The following CENPM variants were observed in gnomAD, a reference collection of about 807,000 sequenced individuals.
The protein encoded by CENPM is interphase centromere complex protein 39.
CENPM carries 14 observed loss-of-function variants against 19.6 expected under a neutral mutation model. The observed-to-expected ratio is 0.71, with a 90% CI of 0.47 to 1.11. CENPM has a LOEUF of 1.11. Among genes scored for constraint, CENPM ranks in the 50% most tolerant of loss-of-function variants. CENPM has a pLI of 0.00. For missense variants in CENPM, 239 were observed against 228.4 expected (o/e 1.05, Z -0.30); for synonymous variants, 114 against 101.5 (o/e 1.12, Z -0.74).
chr22:41,944,971 G>C (rs1602392452), intron 4 of CENPM: 6 of 1,342,228 alleles, frequency 4.5e-6, no homozygotes, highest in Non-Finnish European at 5.8e-6. Context: ...TACATGTGCA[G>C]ATTTGTTATG....
chr22:41,940,193 T>C (rs545177561), intron 5 of CENPM: 2 of 763,508 alleles, frequency 2.6e-6, no homozygotes, highest in Admixed American at 1.8e-5. Flanking sequence ...TGTTCCTCCT[T>C]CCACGAGGTA....
chr22:41,938,118 A>G (rs896991907), downstream of CENPM, among the ~76,000 whole-genome samples: 1 of 142,990 alleles, frequency 7.0e-6, no homozygotes, highest in Admixed American at 7.2e-5. Flanking sequence ...CTGGAATTAT[A>G]GGTGGGAACC....
At chr22:41,935,270 A>T (rs1341977026), downstream of CENPM, among the ~76,000 whole-genome samples, 1 of 152,050 alleles carries the variant, frequency 6.6e-6, no homozygotes, top group East Asian at 1.9e-4. Flanking sequence ...GAGGTGCCCC[A>T]TGCGGGCATG....
chr22:41,941,416 GC>G (rs1291849730), intron 5 of CENPM, among the ~76,000 whole-genome samples: 1 of 152,192 alleles, frequency 6.6e-6, no homozygotes, highest in African/African-American at 2.4e-5. Context: ...CCTGCTTCCT[GC>G]CCAGGCCAAG....
chr22:41,939,322 GC>G, intron 5 of CENPM, 126 bp from the exon 6 acceptor site: 1 of 1,099,380 alleles, frequency 9.1e-7, no homozygotes, highest in Non-Finnish European at 1.3e-6. Context: ...GGTCACCACT[GC>G]CCACCACAGC....
intron 1 of CENPM, 125 bp from the exon 2 acceptor site, chr22:41,946,621 C>T: frequency 1.3e-6 from 1 of 775,180 alleles, no homozygotes; most frequent in Non-Finnish European, 2.1e-6. Context: ...AGGACATTTC[C>T]CGAGAAGTGG....
chr22:41,931,602 T>C, the CENPM span, among the ~76,000 whole-genome samples: 2 of 152,148 alleles, frequency 1.3e-5, no homozygotes, highest in Non-Finnish European at 2.9e-5. Flanking sequence ...CTGATGCAGG[T>C]ACTATTAGGA....
rs188468444 is a variant in CENPM, at chr22:41,945,440, T to G, written c.231-136A>C. The G allele has an allele frequency of 2.0e-3, 2,900 of 1,417,322 alleles. 13 individuals carry two copies. The highest frequency in any genetic ancestry group is 1.4e-3 in the Non-Finnish European group (1,503 of 1,075,544). 87.8% of individuals were successfully genotyped at this position (1,417,322 alleles called of 1,614,324 possible). Reference sequence around the variant, plus strand: ...GTGACTTTCTCTGGAGAAATATTTGTCCTTTAATTTTTTTTTTTTTTTTTT... The same window carrying G: ...GTGACTTTCTCTGGAGAAATATTTGGCCTTTAATTTTTTTTTTTTTTTTTT... On this transcript the variant is annotated intron_variant, in intron 3 of 5. Coordinates refer to ENST00000215980, the MANE Select transcript of CENPM (RefSeq NM_024053.5).
At chr22:41,945,038 A>C in intron 4 of CENPM, 187 bp downstream of exon 4, 2 of 1,403,866 alleles carry the variant, frequency 1.4e-6, no homozygotes, top group Non-Finnish European at 9.4e-7. Context: ...CCAGGTATTA[A>C]GCCTAGTACC....
At position 41,945,234 on chromosome 22, in the gene CENPM, C is replaced by G. The variant is rs144460487; in HGVS notation, c.301G>C (p.Ala101Pro). Residue 101 changes from alanine to proline, a missense_variant, in exon 4 of 6, where the codon GCC becomes CCC. Transcript: ENST00000215980. ...CGAGGAACGTACTTACCACCTGTGG[C>G]GAGGAAACACACCTTCCCCAAGAAG... Reference protein sequence around the residue: ...SFFLGKVCFLATGAGRESHCS... With the variant: ...SFFLGKVCFLPTGAGRESHCS... 6.2e-7 allele frequency: 1 copy of G among 1,613,906 alleles called. No individual in the cohort carries two copies. The highest frequency in any genetic ancestry group is 8.5e-7 in the Non-Finnish European group (1 of 1,179,988).
At chr22:41,941,887 G>C (rs910293201) in intron 5 of CENPM, among the ~76,000 whole-genome samples, 2 of 152,232 alleles carry the variant, frequency 1.3e-5, no homozygotes, top group South Asian at 2.1e-4. Flanking sequence ...TGCCACATGA[G>C]ACAGTGATGA....
At chr22:41,930,422 G>A in the CENPM span, among the ~76,000 whole-genome samples, 1 of 151,978 alleles carries the variant, frequency 6.6e-6, no homozygotes, top group African/African-American at 2.4e-5. Flanking sequence ...TAGTAGAAAT[G>A]GGGTTTCACC....
At chr22:41,930,100 T>C in the CENPM span, among the ~76,000 whole-genome samples, 21 of 151,134 alleles carry the variant, frequency 1.4e-4, no homozygotes, top group East Asian at 5.8e-4. Flanking sequence ...CCCGCCACCA[T>C]GCCCGGCAAA....
chr22:41,944,066 G>A, intron 4 of CENPM: 1 of 981,606 alleles, frequency 1.0e-6, no homozygotes, highest in South Asian at 4.7e-5. Flanking sequence ...ATGCCGGAGT[G>A]ACACTGGGGC....
chr22:41,928,729 G>C, the CENPM span, among the ~76,000 whole-genome samples: 1 of 152,124 alleles, frequency 6.6e-6, no homozygotes, highest in African/African-American at 2.4e-5. This position sits in a 1 kb window ranked among gnomAD's most constrained non-coding sequence, Gnocchi z 4.0. Context: ...CCGGGCTGCG[G>C]ATGGGCAGGG....
chr22:41,939,320 C>A, intron 5 of CENPM, 124 bp from the exon 6 acceptor site: 1 of 1,150,900 alleles, frequency 8.7e-7, no homozygotes, highest in South Asian at 1.6e-5. Flanking sequence ...CAGGTCACCA[C>A]TGCCCACCAC....
chr22:41,941,475 G>A (rs1323374406), intron 5 of CENPM, among the ~76,000 whole-genome samples: 2 of 152,180 alleles, frequency 1.3e-5, no homozygotes, highest in South Asian at 2.1e-4. Flanking sequence ...GCCACAGACA[G>A]AATTACACCA....
intron 5 of CENPM, among the ~76,000 whole-genome samples, chr22:41,941,155 T>A (rs1405334881): frequency 6.6e-6 from 1 of 152,228 alleles, no homozygotes; most frequent in Non-Finnish European, 1.5e-5. Flanking sequence ...ATTATTTCAC[T>A]GGGCCAATCA....
intron 5 of CENPM, among the ~76,000 whole-genome samples, chr22:41,942,626 C>T (rs1186549805): frequency 6.6e-6 from 1 of 151,800 alleles, no homozygotes; most frequent in East Asian, 1.9e-4. Context: ...TGGTGGGTGC[C>T]GGTAGTCCCA....
Sources: allele counts gnomAD v4.1 joint callset (sites outside exome capture counted in the v4.1 genomes callset), GRCh38; gene constraint gnomAD v4.1.1; non-coding constraint Gnocchi (gnomAD v3.1); transcripts MANE v1.5; gene names NCBI Gene and HGNC (gene_info 2026-07-23, HGNC 2026-07-21).